The following KSR2 variants were observed in gnomAD, a reference collection of about 807,000 sequenced individuals.
The protein encoded by KSR2 is kinase suppressor of ras 2.
In KSR2, 25 loss-of-function variants were observed where a neutral mutation model predicts 107.8. That is an observed-to-expected ratio of 0.23 (90% CI 0.17 to 0.32). The LOEUF (loss-of-function observed/expected upper bound fraction) is 0.32, where lower values mean the gene tolerates loss of function less well. Among genes scored for constraint, KSR2 ranks in the 10% least tolerant of loss-of-function variants. The probability of loss-of-function intolerance (pLI) is 1.00; values close to 1 mark genes in which losing one functional copy is unlikely to be tolerated. For missense variants in KSR2, 887 were observed against 1,268.9 expected (o/e 0.70, Z 4.57); for synonymous variants, 480 against 507.0 (o/e 0.95, Z 0.71).
intron 4 of KSR2, among the ~76,000 whole-genome samples, chr12:117,712,907 T>C (rs1156818749): frequency 6.6e-6 from 1 of 152,064 alleles, no homozygotes; most frequent in East Asian, 1.9e-4. Context: ...TAGAGCTATA[T>C]CTTTAGACAG....
At chr12:117,729,259 G>C (rs1365949167) in intron 4 of KSR2, among the ~76,000 whole-genome samples, 1 of 151,980 alleles carries the variant, frequency 6.6e-6, no homozygotes, top group Non-Finnish European at 1.5e-5. Flanking sequence ...ACCCAGGGAA[G>C]AGCACCCCTC....
intron 3 of KSR2, among the ~76,000 whole-genome samples, chr12:117,791,627 G>A (rs945924458): frequency 6.6e-6 from 1 of 152,180 alleles, no homozygotes; most frequent in African/African-American, 2.4e-5. Flanking sequence ...CATGATGAGA[G>A]GTGCTTTCTA....
chr12:117,816,291 G>A (rs1026861585), intron 3 of KSR2, among the ~76,000 whole-genome samples: 8 of 152,060 alleles, frequency 5.3e-5, no homozygotes, highest in African/African-American at 1.9e-4. Flanking sequence ...TTCTGCAGAC[G>A]GCCCCAGCTG....
chr12:117,950,328 G>T (rs1896323734), intron 1 of KSR2, among the ~76,000 whole-genome samples: 1 of 152,064 alleles, frequency 6.6e-6, no homozygotes, highest in African/African-American at 2.4e-5. Context: ...ACAGAGAAAG[G>T]GATGGATAGA....
chr12:117,778,267 T>C (rs1039437979), intron 3 of KSR2, among the ~76,000 whole-genome samples: 4 of 151,974 alleles, frequency 2.6e-5, no homozygotes, highest in Non-Finnish European at 4.4e-5. Flanking sequence ...ATTTTTGTAT[T>C]TTTAGTAGAG....
At chr12:117,617,972 C>T (rs1233578978) in intron 5 of KSR2, among the ~76,000 whole-genome samples, 3 of 152,132 alleles carry the variant, frequency 2.0e-5, no homozygotes, top group African/African-American at 7.2e-5. Flanking sequence ...GTTTAATAAA[C>T]TCAAATATCT....
chr12:117,845,070 C>T (rs559623458), intron 3 of KSR2, among the ~76,000 whole-genome samples: 47 of 152,226 alleles, frequency 3.1e-4, no homozygotes, highest in Non-Finnish European at 5.4e-4. Context: ...GGCATGAACC[C>T]GGGAGGCGGA....
At position 117,913,248 on chromosome 12, in the gene KSR2, G is replaced by A. The variant is rs960268341; in HGVS notation, c.181-52817C>T. Among the ~76,000 whole-genome samples, 3 of 152,140 alleles carry A rather than the reference G, an allele frequency of 2.0e-5. No homozygotes were observed. In the East Asian group the frequency reaches 5.8e-4, roughly 29 times the overall value. ...TAGTTTCTTTAGGCTGTTGTGAGCC[G>A]TTCATGTGTCAGTGTGTTAAGGGAA... On this transcript the variant is annotated intron_variant, in intron 1 of 19. Coordinates refer to ENST00000339824, the MANE Select transcript of KSR2 (RefSeq NM_173598.6).
At chr12:117,948,577 G>A (rs961835763) in intron 1 of KSR2, among the ~76,000 whole-genome samples, 3 of 152,000 alleles carry the variant, frequency 2.0e-5, no homozygotes, top group African/African-American at 7.3e-5. Context: ...CAGTGGGACA[G>A]GATAGAGTCC....
At chr12:117,805,779 C>T (rs1370586456) in intron 3 of KSR2, among the ~76,000 whole-genome samples, 3 of 152,120 alleles carry the variant, frequency 2.0e-5, no homozygotes, top group South Asian at 2.1e-4. Flanking sequence ...GTCGGGAGTT[C>T]GAGACCAGCC....
At chr12:117,892,696 T>TAGTTGCCACAGC (rs556355703) in intron 1 of KSR2, among the ~76,000 whole-genome samples, 2,044 of 148,720 alleles carry the variant, frequency 0.014, 26 homozygotes, top group Middle Eastern at 0.057. Context: ...CAGAGCTAAG[T>TAGTTGCCACAGC]AGTTGCCACA....
intron 1 of KSR2, among the ~76,000 whole-genome samples, chr12:117,929,702 T>C (rs1895644107): frequency 6.6e-6 from 1 of 152,222 alleles, no homozygotes; most frequent in Admixed American, 6.5e-5. Context: ...TAGTGATATG[T>C]GCTGCAATAT....
At chr12:117,805,152 C>T (rs1431569398) in intron 3 of KSR2, among the ~76,000 whole-genome samples, 1 of 152,236 alleles carries the variant, frequency 6.6e-6, no homozygotes, top group Non-Finnish European at 1.5e-5. Flanking sequence ...CCACCAGAAA[C>T]AGATGGGAAG....
chr12:117,653,857 G>A lies in KSR2; in HGVS notation c.1171+13617C>T, dbSNP rs558691865. On this transcript the variant is annotated intron_variant, in intron 5 of 19. Coordinates refer to ENST00000339824, the MANE Select transcript of KSR2 (RefSeq NM_173598.6). ...CAGTTTTGAGTGGGGTCCAGAACAG[G>A]AGAAGGCTCTGCAACAGGTCCAGGC... Among the ~76,000 whole-genome samples the A allele has an allele frequency of 1.2e-3, 180 of 152,296 alleles. 1 individual carries two copies. Among genetic ancestry groups the A allele is most frequent in the African/African-American group, 4.1e-3 (171 of 41,566 alleles).
intron 4 of KSR2, among the ~76,000 whole-genome samples, chr12:117,735,289 C>T (rs911494608): frequency 6.6e-6 from 1 of 152,194 alleles, no homozygotes; most frequent in Non-Finnish European, 1.5e-5. Context: ...CCAGAAATGA[C>T]ACCACCCTCT....
chr12:117,801,596 T>C (rs913158989), intron 3 of KSR2, among the ~76,000 whole-genome samples: 4 of 151,482 alleles, frequency 2.6e-5, no homozygotes, highest in Non-Finnish European at 5.9e-5. Context: ...ATGGCCAGAG[T>C]GGGGTTGGGT....
At chr12:117,706,039 CTTTTTTTTT>C (rs35761064) in intron 4 of KSR2, among the ~76,000 whole-genome samples, 2 of 114,694 alleles carry the variant, frequency 1.7e-5, no homozygotes, top group East Asian at 5.0e-4. Flanking sequence ...GTTGTTGGGT[CTTTTTTTTT>C]TTTTTTTTTT....
intron 15 of KSR2, 104 bp from the exon 16 acceptor site, chr12:117,484,653 T>C (rs1345681068): frequency 2.7e-5 from 32 of 1,168,776 alleles, no homozygotes; most frequent in Non-Finnish European, 3.9e-5. Context: ...GGCTCCCTAA[T>C]GGGACCACAC....
At chr12:117,789,244 CAA>C (rs1566015235) in intron 3 of KSR2, among the ~76,000 whole-genome samples, 1 of 152,148 alleles carries the variant, frequency 6.6e-6, no homozygotes, top group South Asian at 2.1e-4. Flanking sequence ...TTCTGTAAGG[CAA>C]AAGAGAAATC....
Sources: allele counts gnomAD v4.1 joint callset (sites outside exome capture counted in the v4.1 genomes callset), GRCh38; gene constraint gnomAD v4.1.1; transcripts MANE v1.5; gene names NCBI Gene and HGNC (gene_info 2026-07-23, HGNC 2026-07-21).